The following CYFIP2 variants were observed in gnomAD, a reference collection of about 807,000 sequenced individuals.
CYFIP2 encodes the protein cytoplasmic FMR1 interacting protein 2, also known as cytoplasmic FMR1-interacting protein 2.
Under a neutral mutation model 158.7 loss-of-function variants are expected in CYFIP2, and 29 were observed. The observed-to-expected ratio is 0.18, with a 90% CI of 0.14 to 0.25. CYFIP2 has a LOEUF of 0.25. CYFIP2 is among the 10% of genes least tolerant of loss of function. The probability of loss-of-function intolerance (pLI) is 1.00; values close to 1 mark genes in which losing one functional copy is unlikely to be tolerated. For missense variants in CYFIP2, 852 were observed against 1,639.5 expected (o/e 0.52, Z 8.29); for synonymous variants, 585 against 617.6 (o/e 0.95, Z 0.78).
At chr5:157,315,348 G>A (rs1287140911) in intron 13 of CYFIP2, among the ~76,000 whole-genome samples, 1 of 151,916 alleles carries the variant, frequency 6.6e-6, no homozygotes, top group Non-Finnish European at 1.5e-5. Flanking sequence ...ACCAACAGAA[G>A]AAACAAAAGA....
intron 23 of CYFIP2, among the ~76,000 whole-genome samples, chr5:157,358,181 C>A (rs1763547572): frequency 6.6e-6 from 1 of 152,148 alleles, no homozygotes; most frequent in Non-Finnish European, 1.5e-5. Flanking sequence ...TCTCACCAAC[C>A]AAGTGAGACC....
At chr5:157,391,127 G>A (rs1767239772) in intron 30 of CYFIP2, among the ~76,000 whole-genome samples, 1 of 152,000 alleles carries the variant, frequency 6.6e-6, no homozygotes, top group Admixed American at 6.6e-5. Flanking sequence ...ACTCCAGAAT[G>A]GCCCGCAGCA....
chr5:157,379,100 C>A (rs1321796584), intron 26 of CYFIP2, among the ~76,000 whole-genome samples: 7 of 152,110 alleles, frequency 4.6e-5, no homozygotes, highest in Non-Finnish European at 2.9e-5. Context: ...ATGAGGGTAA[C>A]CTATTTCTTA....
Position 157,300,820 on chromosome 5 carries a change from A to G in CYFIP2, c.493A>G (p.Ile165Val), listed in dbSNP as rs749327820. ...EAYLLTLGKF[I>V]NMFAVLDELK... ...CTACCTCCTGACCCTTGGCAAGTTC[A>G]TCAACATGTTTGCTGTCCTGGATGA... The change falls in exon 6 of 31, where the codon ATC becomes GTC. Residue 165 changes from isoleucine (I) to valine (V), a missense_variant. Ile to Val is a conservative substitution (Grantham distance 29, BLOSUM62 3). Coordinates refer to ENST00000620254, the MANE Select transcript of CYFIP2 (RefSeq NM_001037333.3). 8.1e-6 allele frequency: 13 copies of G among 1,613,328 alleles called. No homozygotes were observed. In the South Asian group the frequency reaches 8.8e-5, roughly 11 times the overall value.
intron 7 of CYFIP2, 110 bp from the exon 8 acceptor site, chr5:157,304,128 C>T: frequency 7.3e-7 from 1 of 1,366,492 alleles, no homozygotes. Flanking sequence ...AGCTGTGATT[C>T]CTGGCCATCA....
At chr5:157,363,993 A>AT (rs1462876516) in intron 26 of CYFIP2, 5 of 152,074 alleles carry the variant, frequency 3.3e-5, no homozygotes, top group African/African-American at 1.2e-4. Flanking sequence ...AGGCTCTGAA[A>AT]TGGGGACTGT....
At chr5:157,302,651 T>C (rs908236835) in intron 6 of CYFIP2, 143 bp from the exon 7 acceptor site, 1 of 610,204 alleles carries the variant, frequency 1.6e-6, no homozygotes, top group Non-Finnish European at 2.9e-6. Context: ...GTTTCGACAT[T>C]AGTGTTGCCT....
chr5:157,305,234 A>T (rs1420497995), intron 8 of CYFIP2, among the ~76,000 whole-genome samples: 1 of 152,176 alleles, frequency 6.6e-6, no homozygotes. Flanking sequence ...TGTCTTTTTC[A>T]TACAATAACT....
chr5:157,316,097 A>G (rs1012617253), intron 13 of CYFIP2, among the ~76,000 whole-genome samples: 3 of 149,732 alleles, frequency 2.0e-5, no homozygotes, highest in Non-Finnish European at 4.4e-5. Flanking sequence ...CTTAAAAAAA[A>G]TAAATAAATA....
chr5:157,395,349 A>G lies in CYFIP2; in HGVS notation c.*2349A>G. 1 of 298,392 alleles carries G rather than the reference A, an allele frequency of 3.4e-6. No homozygotes were observed. The highest frequency in any genetic ancestry group is 6.4e-6 in the Non-Finnish European group (1 of 155,646). 18.5% of individuals were successfully genotyped at this position (298,392 alleles called of 1,614,324 possible). A position where few individuals can be genotyped will look rare whatever the true frequency, so the allele number is the denominator to read the frequency against. On this transcript the variant is annotated 3_prime_UTR_variant, in exon 31 of 31. Transcript: ENST00000620254. The stretch of plus-strand genomic sequence containing the variant: ...TAGGTTTTAAAAAGTTTTAAAAATA[A>G]TCTGTTTCAGAAACTGTCAAATGTA...
chr5:157,285,427 C>T lies in CYFIP2; in HGVS notation c.66C>T (p.Leu22=). 3 of 1,582,350 alleles carry T rather than the reference C, an allele frequency of 1.9e-6. No homozygotes were observed. The highest frequency in any genetic ancestry group is 2.6e-6 in the Non-Finnish European group (3 of 1,164,676). Residue 22 remains leucine, a synonymous_variant, in exon 2 of 31, where the codon CTC becomes CTT. Transcript: ENST00000620254. ...TGGACCTGCTTGAAGAGCTTCCCCTCCCCGACCAGCAGCCATGCATCGAGC... is the reference window on the plus strand; with the variant it reads ...TGGACCTGCTTGAAGAGCTTCCCCTTCCCGACCAGCAGCCATGCATCGAGC... ...SNVDLLEELP[L]PDQQPCIEPP... is the part of the protein sequence containing the mutation.
Position 157,393,602 on chromosome 5 carries a change from G to C in CYFIP2, c.*602G>C, listed in dbSNP as rs1767520949. 6.6e-6 allele frequency: 1 copy of C among 152,002 alleles called. No homozygotes were observed. Among genetic ancestry groups the C allele is most frequent in the Admixed American group, 6.5e-5 (1 of 15,268 alleles). The allele number at this position is 152,002 out of a possible 1,614,324, so 9.4% of individuals were successfully genotyped here. On this transcript the variant is annotated 3_prime_UTR_variant, in exon 31 of 31. Coordinates refer to ENST00000620254, the MANE Select transcript of CYFIP2 (RefSeq NM_001037333.3). ...CCCTCTCTCAGGGAAGCCCTAGAGA[G>C]AGGTCCAAAAAGCATTCACAGCTGT...
chr5:157,326,036 C>T, intron 17 of CYFIP2, 135 bp from the exon 18 acceptor site: 1 of 709,690 alleles, frequency 1.4e-6, no homozygotes, highest in East Asian at 2.5e-5. Context: ...GGTGGAGGCT[C>T]AAGGAACGTA....
intron 28 of CYFIP2, among the ~76,000 whole-genome samples, chr5:157,387,555 T>C (rs1003367658): frequency 6.6e-6 from 1 of 152,248 alleles, no homozygotes; most frequent in Non-Finnish European, 1.5e-5. Context: ...TTTTATTTAC[T>C]GAGCGTCTCC....
rs187013342 is a variant in CYFIP2, at chr5:157,389,071, C to T, written c.3208-118C>T. On this transcript the variant is annotated intron_variant, in intron 28 of 30. Transcript: ENST00000620254. Reference sequence around the variant, plus strand: ...TTTTGTGCCCTGCTCTGAACAAGACCAGTTCTGGTGAACCAATTTCAGGTG... The same window carrying T: ...TTTTGTGCCCTGCTCTGAACAAGACTAGTTCTGGTGAACCAATTTCAGGTG... The T allele has an allele frequency of 4.5e-4, 416 of 934,408 alleles. 2 individuals are homozygous for T. The East Asian group carries it at 8.9e-3, about 20-fold the overall frequency. The allele number at this position is 934,408 out of a possible 1,614,324, so 57.9% of individuals were successfully genotyped here.
intron 26 of CYFIP2, among the ~76,000 whole-genome samples, chr5:157,372,854 G>T (rs1387289996): frequency 3.9e-5 from 6 of 152,042 alleles, no homozygotes; most frequent in Admixed American, 2.0e-4. Context: ...CATTGGCCGT[G>T]GTGGGAAGGC....
intron 20 of CYFIP2, among the ~76,000 whole-genome samples, chr5:157,332,406 CTTAACTAT>C (rs1273135190): frequency 6.6e-6 from 1 of 152,116 alleles, no homozygotes; most frequent in East Asian, 1.9e-4. Context: ...TACTTTTGTT[CTTAACTAT>C]TTGAGAGTTT....
chr5:157,362,131 GTT>G (rs1179042212), intron 26 of CYFIP2, among the ~76,000 whole-genome samples: 1 of 152,234 alleles, frequency 6.6e-6, no homozygotes, highest in Non-Finnish European at 1.5e-5. Context: ...ATTTCAGAGA[GTT>G]TCTGCTTTGC....
Position 157,359,151 on chromosome 5 carries a change from A to G in CYFIP2, c.2817+3A>G. On this transcript the variant is annotated splice_donor_region_variant and intron_variant, in intron 24 of 30. Transcript: ENST00000620254. ...TGCTAAAGATTGTGAAGAGCTTGGT[A>G]AGGAAAGGCCTCAGTGTGGCTTGAG... The G allele has an allele frequency of 3.1e-6, 5 of 1,613,962 alleles. No individual in the cohort carries two copies. Among genetic ancestry groups the G allele is most frequent in the Non-Finnish European group, 3.4e-6 (4 of 1,179,846 alleles).
Sources: allele counts gnomAD v4.1 joint callset (sites outside exome capture counted in the v4.1 genomes callset), GRCh38; gene constraint gnomAD v4.1.1; transcripts MANE v1.5; gene names NCBI Gene and HGNC (gene_info 2026-07-23, HGNC 2026-07-21).